WWOX: variants seen among roughly 807,000 people sequenced by gnomAD.
The protein encoded by WWOX is WW domain-containing oxidoreductase.
WWOX carries 69 observed loss-of-function variants against 46.2 expected under a neutral mutation model. The ratio of observed to expected loss-of-function variants is 1.49; its 90% CI spans 1.23 to 1.82. WWOX has a LOEUF of 1.82. Ranked by LOEUF, WWOX falls within the 40% of genes most tolerant of loss-of-function variation. The pLI is 0.00. For synonymous variants in WWOX, 359 were observed against 202.6 expected, an observed-to-expected ratio of 1.77 and a Z score of -6.56; for missense variants, 919 against 542.6, an observed-to-expected ratio of 1.69 and a Z score of -6.89.
intron 8 of WWOX, among the ~76,000 whole-genome samples, chr16:79,178,460 T>G (rs2050845374): frequency 6.6e-6 from 1 of 152,036 alleles, no homozygotes; most frequent in African/African-American, 2.4e-5. Flanking sequence ...GGATGACAGG[T>G]GAGCACCACC....
intron 8 of WWOX, among the ~76,000 whole-genome samples, chr16:78,835,882 C>G (rs1279044237): frequency 1.3e-5 from 2 of 152,106 alleles, no homozygotes; most frequent in African/African-American, 4.8e-5. Flanking sequence ...TTGTTTCTGA[C>G]TTTTTACGTA....
intron 8 of WWOX, among the ~76,000 whole-genome samples, chr16:78,810,430 C>T (rs1029882848): frequency 6.6e-6 from 1 of 152,188 alleles, no homozygotes; most frequent in African/African-American, 2.4e-5. Flanking sequence ...TTCATATAAG[C>T]TATCAAATAT....
intron 5 of WWOX, among the ~76,000 whole-genome samples, chr16:78,354,161 G>T (rs4419071): frequency 0.4 from 60,313 of 151,926 alleles, 12,936 homozygotes; most frequent in Non-Finnish European, 0.49. Context: ...TTTGTGTTTT[G>T]GTTTTTATCA....
chr16:78,828,673 A>G (rs1017627463), intron 8 of WWOX, among the ~76,000 whole-genome samples: 2 of 152,118 alleles, frequency 1.3e-5, no homozygotes, highest in Admixed American at 6.5e-5. Flanking sequence ...GACCTTTATT[A>G]ATTATGTGTG....
chr16:79,095,773 A>G (rs957493515), intron 8 of WWOX, among the ~76,000 whole-genome samples: 3 of 151,942 alleles, frequency 2.0e-5, no homozygotes, highest in Non-Finnish European at 4.4e-5. Flanking sequence ...ATAGGAATAC[A>G]GACCTCAGAA....
intron 8 of WWOX, among the ~76,000 whole-genome samples, chr16:78,540,020 TCACACACACACACA>T (rs71140810): frequency 1.5e-5 from 2 of 132,924 alleles, no homozygotes; most frequent in African/African-American, 3.0e-5. Context: ...TCTCTCTCTC[TCACACACACACACA>T]CACACACACA....
At chr16:78,659,604 C>A (rs914090218) in intron 8 of WWOX, among the ~76,000 whole-genome samples, 1 of 152,158 alleles carries the variant, frequency 6.6e-6, no homozygotes, top group East Asian at 1.9e-4. Context: ...AGTGCACTTG[C>A]TTTGCAAAGC....
intron 8 of WWOX, among the ~76,000 whole-genome samples, chr16:78,961,074 C>G (rs540668416): frequency 6.6e-6 from 1 of 152,118 alleles, no homozygotes; most frequent in East Asian, 1.9e-4. Flanking sequence ...GCCCTTGAGA[C>G]TCAGGTGTTC....
chr16:78,333,644 A>ATT (rs1000452482), intron 5 of WWOX, among the ~76,000 whole-genome samples: 2 of 152,180 alleles, frequency 1.3e-5, no homozygotes, highest in Non-Finnish European at 2.9e-5. Context: ...GGAGTACTTC[A>ATT]TTAAGTCTCC....
chr16:78,827,733 TG>T (rs2051701317), intron 8 of WWOX, among the ~76,000 whole-genome samples: 1 of 151,720 alleles, frequency 6.6e-6, no homozygotes, highest in Admixed American at 6.6e-5. Context: ...CCCAGCTACT[TG>T]GGAGGCTAAG....
At chr16:78,848,984 A>G (rs1037434967) in intron 8 of WWOX, among the ~76,000 whole-genome samples, 1 of 152,198 alleles carries the variant, frequency 6.6e-6, no homozygotes, top group Non-Finnish European at 1.5e-5. Flanking sequence ...ATTTGCTGCG[A>G]TGACTCGCAA....
At chr16:78,973,456 A>G (rs1188729797) in intron 8 of WWOX, among the ~76,000 whole-genome samples, 1 of 152,332 alleles carries the variant, frequency 6.6e-6, no homozygotes, top group Admixed American at 6.5e-5. Flanking sequence ...GAATTCTCAT[A>G]TGTTCTTAAA....
chr16:79,209,855 T>G (rs538102079), intron 8 of WWOX, among the ~76,000 whole-genome samples: 15 of 152,320 alleles, frequency 9.8e-5, no homozygotes, highest in Non-Finnish European at 1.9e-4. Context: ...TCAGGGTTAT[T>G]AGGAATAATA....
At chr16:78,108,888 T>C (rs1159994067) in intron 2 of WWOX, among the ~76,000 whole-genome samples, 1 of 152,200 alleles carries the variant, frequency 6.6e-6, no homozygotes, top group Non-Finnish European at 1.5e-5. Context: ...CTTTGGAGGC[T>C]GAGGCACGAG....
At chr16:78,957,353 G>C (rs2046188241) in intron 8 of WWOX, among the ~76,000 whole-genome samples, 1 of 152,172 alleles carries the variant, frequency 6.6e-6, no homozygotes, top group Admixed American at 6.5e-5. Flanking sequence ...AATTATATTA[G>C]CTTGAGCTGA....
chr16:78,748,414 A>G (rs1400178415), intron 8 of WWOX, among the ~76,000 whole-genome samples: 3 of 152,198 alleles, frequency 2.0e-5, no homozygotes, highest in African/African-American at 7.2e-5. Context: ...GCATTTTTCC[A>G]CGCCAAGCCC....
chr16:78,739,377 G>T (rs16948419), intron 8 of WWOX, among the ~76,000 whole-genome samples: 22,750 of 152,018 alleles, frequency 0.15, 2,075 homozygotes, highest in African/African-American at 0.25. Flanking sequence ...CAACAATTTT[G>T]GAGGCACCCA....
intron 8 of WWOX, among the ~76,000 whole-genome samples, chr16:79,136,275 G>A (rs1205635183): frequency 6.6e-6 from 1 of 151,382 alleles, no homozygotes; most frequent in East Asian, 1.9e-4. Context: ...TCTTTTGCCA[G>A]GCTGGAGTGC....
intron 8 of WWOX, among the ~76,000 whole-genome samples, chr16:78,776,946 C>T (rs560875998): frequency 7.2e-5 from 11 of 152,316 alleles, no homozygotes; most frequent in East Asian, 5.8e-4. Context: ...GCTTGTATTA[C>T]AATTCGAGAT....
Sources: gnomAD v4.1 joint callset for allele counts (sites outside exome capture counted in the v4.1 genomes callset) on GRCh38, gnomAD v4.1.1 for gene constraint, MANE v1.5 for transcripts, NCBI Gene and HGNC (gene_info 2026-07-23, HGNC 2026-07-21) for gene names.